Variants in EZH1 observed in about 807,000 individuals in gnomAD.
EZH1 encodes the protein histone-lysine N-methyltransferase EZH1.
In EZH1, 33 loss-of-function variants were observed where a neutral mutation model predicts 100.5. That is an observed-to-expected ratio of 0.33 (90% confidence interval 0.25 to 0.44). The LOEUF is 0.44. Among genes scored for constraint, EZH1 ranks in the 20% least tolerant of loss-of-function variants. EZH1 has a pLI of 1.00. For missense variants in EZH1, 475 were observed against 928.4 expected (o/e 0.51, Z 6.35); for synonymous variants, 272 against 313.8 (o/e 0.87, Z 1.41).
chr17:42,723,076 C>T (rs1418524159), intron 5 of EZH1, among the ~76,000 whole-genome samples, 161 bp from the exon 6 acceptor site: 1 of 152,044 alleles, frequency 6.6e-6, no homozygotes, highest in African/African-American at 2.4e-5. Context: ...TTTTGTTTGG[C>T]CAAAAAAACC....
intron 4 of EZH1, 126 bp from the exon 5 acceptor site, chr17:42,724,550 C>A: frequency 1.8e-6 from 2 of 1,086,332 alleles, no homozygotes; most frequent in Non-Finnish European, 2.6e-6. Flanking sequence ...TTTGGGAGGC[C>A]AAGACAGGCA....
intron 10 of EZH1, among the ~76,000 whole-genome samples, chr17:42,717,050 T>G (rs924496959): frequency 3.3e-5 from 5 of 152,154 alleles, no homozygotes; most frequent in African/African-American, 1.2e-4. Context: ...GACCCTGACT[T>G]GAATTTCATC....
At chr17:42,716,697 TTTA>T (rs1164930009) in intron 10 of EZH1, among the ~76,000 whole-genome samples, 1 of 152,034 alleles carries the variant, frequency 6.6e-6, no homozygotes. Context: ...GTAATTTCAT[TTTA>T]TTATTATTTT....
At chr17:42,703,688 C>G in intron 19 of EZH1, 52 bp downstream of exon 19, 2 of 1,260,878 alleles carry the variant, frequency 1.6e-6, no homozygotes, top group East Asian at 4.6e-5. Flanking sequence ...ATGGAAATCA[C>G]AGTAAAGAGG....
chr17:42,708,776 T>C (rs924803679), intron 14 of EZH1, 100 bp downstream of exon 14: 4 of 1,271,820 alleles, frequency 3.1e-6, no homozygotes, highest in Admixed American at 1.7e-5. Flanking sequence ...TCTGCGGAAG[T>C]GGCACAGGGT....
chr17:42,714,875 AT>A (rs2053561197), intron 10 of EZH1, among the ~76,000 whole-genome samples: 2 of 141,534 alleles, frequency 1.4e-5, no homozygotes, highest in African/African-American at 2.6e-5. Context: ...ATTTTTATAT[AT>A]TATATATATA....
At chr17:42,708,959 G>T (rs1272185361) in intron 13 of EZH1, 43 bp from the exon 14 acceptor site, 1 of 1,612,900 alleles carries the variant, frequency 6.2e-7, no homozygotes, top group Non-Finnish European at 8.5e-7. Context: ...CGGCCCTAGG[G>T]AGCTCTGCAA....
intron 6 of EZH1, 136 bp downstream of exon 6, chr17:42,722,659 C>T (rs2053736682): frequency 1.3e-6 from 1 of 798,218 alleles, no homozygotes; most frequent in South Asian, 2.4e-5. Context: ...AACTCCCAGC[C>T]ATGTGATGAC....
chr17:42,711,425 A>T (rs143242793), intron 12 of EZH1, among the ~76,000 whole-genome samples: 3,472 of 152,218 alleles, frequency 0.023, 142 homozygotes, highest in African/African-American at 0.079. Flanking sequence ...GTGAGCTGAG[A>T]TCATGCCACT....
At chr17:42,707,506 C>T (rs1273115403) in intron 15 of EZH1, among the ~76,000 whole-genome samples, 3 of 152,102 alleles carry the variant, frequency 2.0e-5, no homozygotes, top group Non-Finnish European at 2.9e-5. Flanking sequence ...GTGATCTGCC[C>T]GACTTGGCCT....
Position 42,734,212 on chromosome 17 carries a change from G to T in EZH1, c.-102-3294C>A, listed in dbSNP as rs1017967786. ...ACACCACCATGCCCGGCCAATTTTT[G>T]TATTTTTAGTAGAGACAAGGTTTCA... On this transcript the variant is annotated intron_variant, in intron 1 of 20. Transcript: ENST00000428826. Among the ~76,000 whole-genome samples, 9 of 151,734 alleles carry T rather than the reference G, an allele frequency of 5.9e-5. No individual in the cohort carries two copies. The South Asian group carries it at 1.0e-3, about 18-fold the overall frequency.
intron 10 of EZH1, 40 bp downstream of exon 10, chr17:42,717,936 A>G (rs1409331301): frequency 6.3e-7 from 1 of 1,588,626 alleles, no homozygotes; most frequent in Admixed American, 1.7e-5. Flanking sequence ...TTGTGTTCCC[A>G]GAATGAAGTT....
intron 1 of EZH1, 136 bp downstream of exon 1, chr17:42,744,875 C>G (rs2054251183): frequency 1.7e-5 from 17 of 976,740 alleles, no homozygotes; most frequent in Admixed American, 3.8e-5. Flanking sequence ...CCTGCTACCC[C>G]CGGCCAGGCA....
intron 1 of EZH1, among the ~76,000 whole-genome samples, chr17:42,738,129 C>T (rs757576196): frequency 6.9e-5 from 10 of 144,232 alleles, no homozygotes; most frequent in Non-Finnish European, 1.3e-4. Flanking sequence ...TGAGCCGAGA[C>T]GGTGCCACTG....
chr17:42,722,690 G>T, intron 6 of EZH1, 105 bp downstream of exon 6: 2 of 1,056,794 alleles, frequency 1.9e-6, no homozygotes, highest in Non-Finnish European at 2.7e-6. Context: ...TCTGCAGTGT[G>T]TACCCCATGG....
chr17:42,719,064 G>T, intron 8 of EZH1, 41 bp downstream of exon 8: 2 of 1,480,488 alleles, frequency 1.4e-6, no homozygotes, highest in South Asian at 2.3e-5. Flanking sequence ...GGTTTTGTCC[G>T]AGCACTCTGT....
intron 1 of EZH1, among the ~76,000 whole-genome samples, chr17:42,740,797 C>T (rs1460112498): frequency 6.6e-6 from 1 of 152,170 alleles, no homozygotes; most frequent in Non-Finnish European, 1.5e-5. Flanking sequence ...ACTTTTTAGT[C>T]TATTTTGAAT....
intron 4 of EZH1, among the ~76,000 whole-genome samples, chr17:42,727,232 C>A (rs1462203464): frequency 1.3e-5 from 2 of 152,026 alleles, no homozygotes; most frequent in African/African-American, 4.8e-5. Flanking sequence ...TAACCTTAAC[C>A]TTATTTATTT....
At chr17:42,726,859 A>AT (rs945239140) in intron 4 of EZH1, among the ~76,000 whole-genome samples, 11 of 150,760 alleles carry the variant, frequency 7.3e-5, no homozygotes, top group Non-Finnish European at 1.5e-4. Context: ...ATTATTTATT[A>AT]TTTTTTTTGA....
Sources: allele counts gnomAD v4.1 joint callset (sites outside exome capture counted in the v4.1 genomes callset), GRCh38; gene constraint gnomAD v4.1.1; transcripts MANE v1.5; gene names NCBI Gene and HGNC (gene_info 2026-07-23, HGNC 2026-07-21).